CASZ1: variants seen among roughly 807,000 people sequenced by gnomAD.
The protein encoded by CASZ1 is castor zinc finger 1.
CASZ1 carries 28 observed loss-of-function variants against 135.2 expected under a neutral mutation model. That is an observed-to-expected ratio of 0.21 (90% CI 0.15 to 0.28). The LOEUF (loss-of-function observed/expected upper bound fraction) is 0.28, where lower values mean the gene tolerates loss of function less well. Ranked by LOEUF, CASZ1 falls within the 10% of genes least tolerant of loss-of-function variation. CASZ1 has a pLI of 1.00. For missense variants in CASZ1, 2,161 were observed against 2,453.3 expected, an observed-to-expected ratio of 0.88 and a Z score of 2.52; for synonymous variants, 1,068 against 1,073.4, an observed-to-expected ratio of 0.99 and a Z score of 0.10.
chr1:10,779,278 A>ATT (rs1570585919), intron 1 of CASZ1, among the ~76,000 whole-genome samples: 2 of 117,092 alleles, frequency 1.7e-5, no homozygotes, highest in East Asian at 4.3e-4. Context: ...ATAATTTTAT[A>ATT]ATTTTTTTTT....
rs1166045101 is a variant in CASZ1 at position 10,638,989 on chromosome 1, C to T, written c.5233G>A (p.Ala1745Thr). The T allele has an allele frequency of 1.0e-6, 1 of 982,738 alleles. No individual in the cohort carries two copies. Among genetic ancestry groups the T allele is most frequent in the Non-Finnish European group, 1.2e-6 (1 of 829,466 alleles). 60.9% of individuals were successfully genotyped at this position (982,738 alleles called of 1,614,324 possible). The part of the protein sequence containing the change: ...ARTPALAALA[A>T]LGAPGPAPTA... ...GGCGCGGGGCCGGGGGCGCCCAGGG[C>T]CGCCAGCGCCGCCAAGGCCGGGGTC... Residue 1745 changes from alanine (A) to threonine (T), a missense_variant, in exon 21 of 21, where the codon GCC becomes ACC. Physicochemically the swap from Ala to Thr is moderately conservative, Grantham distance 58 (BLOSUM62 0). Transcript: ENST00000377022. The surrounding 1 kb of genome is among the most constrained non-coding windows in gnomAD (Gnocchi z 5.9).
intron 2 of CASZ1, among the ~76,000 whole-genome samples, chr1:10,710,661 G>A (rs1639267761): frequency 6.6e-6 from 1 of 152,234 alleles, no homozygotes; most frequent in East Asian, 1.9e-4. Flanking sequence ...TCAACAGACA[G>A]GCACGTCGCC....
At chr1:10,651,171 T>G (rs2124678895) in intron 11 of CASZ1, 95 bp from the exon 12 acceptor site, 1 of 1,068,558 alleles carries the variant, frequency 9.4e-7, no homozygotes, top group Non-Finnish European at 1.3e-6. Flanking sequence ...GGCAGTGGGC[T>G]GGGTGGGCCC....
Position 10,642,905 on chromosome 1 carries a change from G to A in CASZ1, c.4116C>T (p.Asp1372=), listed in dbSNP as rs1380075536. ...GAMSSESSTM[D]RSCSSTPVGN... ...CCACGGGGGTGCTGGAGCAGCTCCG[G>A]TCCATGGTGGATGACTCAGAGGACA... The change falls in exon 20 of 21, where the codon GAC becomes GAT. Residue 1372 remains aspartate, a synonymous_variant. Transcript: ENST00000377022. 1.2e-6 allele frequency: 2 copies of A among 1,613,090 alleles called. No individual in the cohort carries two copies. Among genetic ancestry groups the A allele is most frequent in the Admixed American group, 1.7e-5 (1 of 60,008 alleles).
chr1:10,784,404 G>A (rs951239970), intron 1 of CASZ1, among the ~76,000 whole-genome samples: 2 of 152,226 alleles, frequency 1.3e-5, no homozygotes, highest in Non-Finnish European at 2.9e-5. Flanking sequence ...CCAGCCGTAC[G>A]TGGCTGTGGG....
chr1:10,705,070 C>T (rs913711218), intron 3 of CASZ1, among the ~76,000 whole-genome samples: 10 of 152,220 alleles, frequency 6.6e-5, no homozygotes, highest in African/African-American at 9.6e-5. Flanking sequence ...CTGGGGCCTT[C>T]GAGTCCATGC....
intron 1 of CASZ1, among the ~76,000 whole-genome samples, chr1:10,783,905 AATC>A (rs1640809420): frequency 2.0e-5 from 3 of 150,044 alleles, no homozygotes; most frequent in Admixed American, 6.7e-5. Flanking sequence ...CTACAATTAT[AATC>A]ATCAAGATAA....
intron 4 of CASZ1, among the ~76,000 whole-genome samples, chr1:10,670,761 C>A (rs1643372807): frequency 1.3e-5 from 2 of 152,216 alleles, no homozygotes; most frequent in South Asian, 4.1e-4. Flanking sequence ...CAGGCATCTA[C>A]CCCTCCTCCC....
At chr1:10,766,116 G>A (rs961629726) in intron 1 of CASZ1, among the ~76,000 whole-genome samples, 1 of 152,112 alleles carries the variant, frequency 6.6e-6, no homozygotes, top group Admixed American at 6.5e-5. Context: ...AGAAAATGCA[G>A]GGGCCACTGA....
rs538530105 is a variant in CASZ1, at chr1:10,697,763, C to A, written c.-23-3851G>T. Among the ~76,000 whole-genome samples, 1 of 152,250 alleles carries A rather than the reference C, an allele frequency of 6.6e-6. No homozygotes were observed. Among genetic ancestry groups the A allele is most frequent in the African/African-American group, 2.4e-5 (1 of 41,460 alleles). On this transcript the variant is annotated intron_variant, in intron 3 of 20. Coordinates refer to ENST00000377022, the MANE Select transcript of CASZ1 (RefSeq NM_001079843.3). This position sits in a 1 kb window ranked among gnomAD's most constrained non-coding sequence, Gnocchi z 4.7. ...AGCTCCTTTTGTTATTGCACCCCAC[C>A]CCAGGATCCCAATAAACTGGTTCCA... is the stretch of plus-strand genomic sequence containing the variant.
In CASZ1 at chr1:10,666,732, C is replaced by T. The variant is rs1643248316; in HGVS notation, c.17-1161G>A. 6.6e-6 allele frequency among the ~76,000 whole-genome samples: 1 copy of T among 152,222 alleles called. No individual in the cohort carries two copies. Among genetic ancestry groups the T allele is most frequent in the African/African-American group, 2.4e-5 (1 of 41,454 alleles). ...CCGAGGGTCCTGGGGGGGCATACGGCAAGCCCACCCACCACACAGCCTGGG... is the reference window on the plus strand; with the variant it reads ...CCGAGGGTCCTGGGGGGGCATACGGTAAGCCCACCCACCACACAGCCTGGG... On this transcript the variant is annotated intron_variant, in intron 4 of 20. Coordinates refer to ENST00000377022, the MANE Select transcript of CASZ1 (RefSeq NM_001079843.3). This position sits in a 1 kb window ranked among gnomAD's most constrained non-coding sequence, Gnocchi z 5.2.
In CASZ1 at chr1:10,699,483, T is replaced by A. The variant is rs74547052; in HGVS notation, c.-23-5571A>T. Among the ~76,000 whole-genome samples, 74 of 152,230 alleles carry A rather than the reference T, an allele frequency of 4.9e-4. 1 individual carries two copies. In the East Asian group the frequency reaches 0.014, roughly 29 times the overall value. On this transcript the variant is annotated intron_variant, in intron 3 of 20. Coordinates refer to ENST00000377022, the MANE Select transcript of CASZ1 (RefSeq NM_001079843.3). This position sits in a 1 kb window ranked among gnomAD's most constrained non-coding sequence, Gnocchi z 4.6. ...CCAAGGTCTGAAAGCCAAGGTAGGT[T>A]GTTGGGTGGGCAGCTGGCAGCCCTG...
At chr1:10,784,911 G>A (rs1640827980) in intron 1 of CASZ1, among the ~76,000 whole-genome samples, 1 of 152,160 alleles carries the variant, frequency 6.6e-6, no homozygotes. Flanking sequence ...AAAGACAGGA[G>A]GATGACCTGC....
chr1:10,658,711 T>C (rs1642893839), intron 6 of CASZ1, 135 bp from the exon 7 acceptor site: 1 of 745,372 alleles, frequency 1.3e-6, no homozygotes, highest in Admixed American at 2.1e-5. Context: ...GCACCCACGG[T>C]GGGACTGAGG....
At chr1:10,690,824 C>G (rs896972470) in intron 4 of CASZ1, among the ~76,000 whole-genome samples, 1 of 152,246 alleles carries the variant, frequency 6.6e-6, no homozygotes, top group African/African-American at 2.4e-5. Flanking sequence ...CATCAGATCC[C>G]CACGAGTCAA....
chr1:10,709,999 C>A lies in CASZ1; in HGVS notation c.-76-4455G>T, dbSNP rs781663466. 2.4e-4 allele frequency among the ~76,000 whole-genome samples: 37 copies of A among 152,222 alleles called. No homozygotes were observed. The highest frequency in any genetic ancestry group is 4.6e-4 in the Non-Finnish European group (31 of 68,046). On this transcript the variant is annotated intron_variant, in intron 2 of 20. Transcript: ENST00000377022. This position sits in a 1 kb window ranked among gnomAD's most constrained non-coding sequence, Gnocchi z 5.1. ...CTCCGGATTGGCTCTGGGCTCTTTC[C>A]AGGCACAGTCTTGGTTGGAATTGGG...
At chr1:10,750,903 AAT>A (rs371180293) in intron 2 of CASZ1, among the ~76,000 whole-genome samples, 2 of 150,482 alleles carry the variant, frequency 1.3e-5, no homozygotes, top group South Asian at 2.1e-4. Context: ...TGTCTCAAAA[AAT>A]ATATATATAT....
chr1:10,785,089 CCTTT>C (rs1640832771), intron 1 of CASZ1, among the ~76,000 whole-genome samples: 2 of 150,532 alleles, frequency 1.3e-5, no homozygotes, highest in Non-Finnish European at 3.0e-5. Flanking sequence ...TTCCTTCCTT[CCTTT>C]CCTCTCTTTC....
rs1230525794 is a variant in CASZ1, at chr1:10,747,023, C to A, written c.-77+13678G>T. On this transcript the variant is annotated intron_variant, in intron 2 of 20. Coordinates refer to ENST00000377022, the MANE Select transcript of CASZ1 (RefSeq NM_001079843.3). The surrounding 1 kb of genome is among the most constrained non-coding windows in gnomAD (Gnocchi z 4.3). ...GACCCCATGGCTTCTCCCCTCATAGCCCCCGCTAACCAGGAGTGGACGCCC... is the reference window on the plus strand; with the variant it reads ...GACCCCATGGCTTCTCCCCTCATAGACCCCGCTAACCAGGAGTGGACGCCC... Among the ~76,000 whole-genome samples the A allele has an allele frequency of 6.6e-6, 1 of 152,238 alleles. No homozygotes were observed. The highest frequency in any genetic ancestry group is 6.5e-5 in the Admixed American group (1 of 15,286).
Sources: gnomAD v4.1 joint callset for allele counts (sites outside exome capture counted in the v4.1 genomes callset) on GRCh38, gnomAD v4.1.1 for gene constraint, Gnocchi (gnomAD v3.1) non-coding constraint, MANE v1.5 for transcripts, NCBI Gene and HGNC (gene_info 2026-07-23, HGNC 2026-07-21) for gene names.